RHBDD1: variants seen among roughly 807,000 people sequenced by gnomAD.
RHBDD1 encodes rhomboid domain containing 1, also known as rhomboid-related protein 4.
In RHBDD1, 38 loss-of-function variants were observed where a neutral mutation model predicts 36.3. The ratio of observed to expected loss-of-function variants is 1.05; its 90% CI spans 0.81 to 1.37. The LOEUF (loss-of-function observed/expected upper bound fraction) is 1.37, where lower values mean the gene tolerates loss of function less well. Among genes scored for constraint, RHBDD1 ranks in the 40% most tolerant of loss-of-function variants. The pLI is 0.00. For synonymous variants in RHBDD1, 151 were observed against 136.5 expected (o/e 1.11, Z -0.74); for missense variants, 393 against 377.6 (o/e 1.04, Z -0.34).
chr2:226,910,542 A>G (rs1379701860), intron 7 of RHBDD1, among the ~76,000 whole-genome samples: 1 of 152,084 alleles, frequency 6.6e-6, no homozygotes. Context: ...CAATTTTTCT[A>G]ATCTTGGTGG....
At chr2:226,871,610 G>A (rs1559216845) in intron 5 of RHBDD1, among the ~76,000 whole-genome samples, 1 of 152,128 alleles carries the variant, frequency 6.6e-6, no homozygotes, top group African/African-American at 2.4e-5. Context: ...ACATTTTAAA[G>A]ATATCAGATC....
At chr2:226,822,363 G>A in the RHBDD1 span, among the ~76,000 whole-genome samples, 4 of 152,246 alleles carry the variant, frequency 2.6e-5, no homozygotes, top group East Asian at 1.9e-4. Flanking sequence ...GGCCAGGCAC[G>A]GTGGCTCACG....
chr2:226,849,552 ATTCCAGCAGGC>A (rs1183480213), intron 3 of RHBDD1, among the ~76,000 whole-genome samples: 2 of 152,212 alleles, frequency 1.3e-5, no homozygotes, highest in Admixed American at 1.3e-4. Context: ...CTTAGGGGGC[ATTCCAGCAGGC>A]TTCTAGCCTC....
chr2:226,969,394 C>CTTTTTTTT (rs77924848), intron 8 of RHBDD1, among the ~76,000 whole-genome samples: 1 of 115,524 alleles, frequency 8.7e-6, no homozygotes, highest in African/African-American at 3.3e-5. Flanking sequence ...ACAGCTCAGC[C>CTTTTTTTT]TTTTTTTTTT....
At chr2:226,988,357 G>A in intron 8 of RHBDD1, 1 of 1,550,164 alleles carries the variant, frequency 6.5e-7, no homozygotes. Flanking sequence ...AAGAGACAAT[G>A]GCAAGTCTCC....
chr2:226,967,820 G>A (rs1276024115), intron 8 of RHBDD1, among the ~76,000 whole-genome samples: 1 of 152,052 alleles, frequency 6.6e-6, no homozygotes, highest in Non-Finnish European at 1.5e-5. Flanking sequence ...TCAGGGTAGA[G>A]GGGTTACAAT....
the RHBDD1 span, among the ~76,000 whole-genome samples, chr2:226,812,481 C>A: frequency 1.3e-5 from 2 of 152,146 alleles, no homozygotes; most frequent in Non-Finnish European, 2.9e-5. Flanking sequence ...CATATGTGTC[C>A]ATCAATAGAG....
At chr2:226,841,501 G>C (rs1179555686) in intron 3 of RHBDD1, among the ~76,000 whole-genome samples, 2 of 152,106 alleles carry the variant, frequency 1.3e-5, no homozygotes, top group Non-Finnish European at 2.9e-5. Flanking sequence ...TCCCTGCTCT[G>C]TGTCCATGTG....
chr2:226,956,237 G>GC (rs1276900401), intron 8 of RHBDD1, among the ~76,000 whole-genome samples: 1 of 152,108 alleles, frequency 6.6e-6, no homozygotes, highest in East Asian at 1.9e-4. Flanking sequence ...GCCCCACTAA[G>GC]CCGTGCCCGC....
At chr2:226,892,293 G>C (rs1449026048) in intron 5 of RHBDD1, among the ~76,000 whole-genome samples, 1 of 152,176 alleles carries the variant, frequency 6.6e-6, no homozygotes. Flanking sequence ...GGGCATGTCT[G>C]TTTTTCATAG....
intron 3 of RHBDD1, among the ~76,000 whole-genome samples, chr2:226,844,773 C>T (rs990423309): frequency 1.3e-5 from 2 of 152,132 alleles, no homozygotes; most frequent in South Asian, 2.1e-4. Context: ...TACACTAAAC[C>T]GTGTGGTTTA....
intron 3 of RHBDD1, among the ~76,000 whole-genome samples, chr2:226,860,282 G>GA (rs1378708246): frequency 6.6e-6 from 1 of 151,952 alleles, no homozygotes; most frequent in Non-Finnish European, 1.5e-5. Flanking sequence ...GGCCTTTCTT[G>GA]AACTCTGGTA....
rs11546330 is a variant in RHBDD1, at chr2:226,996,002, G to A, written c.*480G>A. On this transcript the variant is annotated 3_prime_UTR_variant, in exon 9 of 9. Coordinates refer to ENST00000392062, the MANE Select transcript of RHBDD1 (RefSeq NM_001167608.3). ...GGAACAGGATGTGGCTGCCTTGGCC[G>A]AATGTTGTCCTACTCTCCCCAACCC... The A allele has an allele frequency of 0.038, 6,075 of 158,312 alleles. 386 individuals carry two copies. The highest frequency in any genetic ancestry group is 0.14 in the African/African-American group (5,749 of 41,618). The allele number at this position is 158,312 out of a possible 1,614,324, so 9.8% of individuals were successfully genotyped here.
chr2:226,904,421 GGA>G lies in RHBDD1; in HGVS notation c.567-2370_567-2369del, dbSNP rs1553562544. The stretch of plus-strand genomic sequence containing the variant: ...TGTGGCACATCCTGCAAGCGGGGGG[GGA>G]GGGGGGTCAGGGAACTCCTGTTTCA... On this transcript the variant is annotated intron_variant, in intron 5 of 8. Coordinates refer to ENST00000392062, the MANE Select transcript of RHBDD1 (RefSeq NM_001167608.3). Among the ~76,000 whole-genome samples, 18 of 148,314 alleles carry G rather than the reference GGA, an allele frequency of 1.2e-4. 5 individuals are homozygous for G. The highest frequency in any genetic ancestry group is 2.7e-4 in the Admixed American group (4 of 14,898).
Position 226,865,098 on chromosome 2 carries a change from C to T in RHBDD1, c.405C>T (p.Phe135=), listed in dbSNP as rs1559209336. Residue 135 remains phenylalanine, a synonymous_variant, in exon 4 of 9, where the codon TTC becomes TTT. Coordinates refer to ENST00000392062, the MANE Select transcript of RHBDD1 (RefSeq NM_001167608.3). ...AVAEFMDEPD[F]KRSCAVGFSG... ...CCGAATTTATGGATGAACCTGACTT[C>T]AAAAGGAGCTGTGCTGTAGGTTTCT... The T allele has an allele frequency of 6.2e-7, 1 of 1,613,866 alleles. No individual in the cohort carries two copies. Among genetic ancestry groups the T allele is most frequent in the South Asian group, 1.1e-5 (1 of 90,982 alleles).
At chr2:226,825,435 A>G in the RHBDD1 span, among the ~76,000 whole-genome samples, 1 of 152,238 alleles carries the variant, frequency 6.6e-6, no homozygotes, top group Non-Finnish European at 1.5e-5. Context: ...GGACAGCTGT[A>G]AACCAAATTT....
chr2:226,924,990 A>G (rs1327447389), intron 8 of RHBDD1, among the ~76,000 whole-genome samples: 1 of 152,212 alleles, frequency 6.6e-6, no homozygotes, highest in African/African-American at 2.4e-5. Context: ...GGTTCTTATG[A>G]AGGTGATTTT....
chr2:226,882,102 G>A (rs1030024609), intron 5 of RHBDD1, among the ~76,000 whole-genome samples: 6 of 152,282 alleles, frequency 3.9e-5, no homozygotes, highest in Non-Finnish European at 5.9e-5. Context: ...ATACATCATA[G>A]CTAAGAACAG....
chr2:226,807,964 G>A, the RHBDD1 span, among the ~76,000 whole-genome samples: 2 of 151,766 alleles, frequency 1.3e-5, no homozygotes, highest in South Asian at 4.2e-4. Context: ...GCAGTGAGCC[G>A]ACGTCACGCC....
Sources: allele counts gnomAD v4.1 joint callset (sites outside exome capture counted in the v4.1 genomes callset), GRCh38; gene constraint gnomAD v4.1.1; transcripts MANE v1.5; gene names NCBI Gene and HGNC (gene_info 2026-07-23, HGNC 2026-07-21).